KIAA1143: variants seen among roughly 807,000 people sequenced by gnomAD.
KIAA1143 encodes the protein uncharacterized protein KIAA1143.
Under a neutral mutation model 17.0 loss-of-function variants are expected in KIAA1143, and 8 were observed. The ratio of observed to expected loss-of-function variants is 0.47; its 90% CI spans 0.28 to 0.85. The LOEUF is 0.85. Ranked by LOEUF, KIAA1143 falls within the 40% of genes least tolerant of loss-of-function variation. KIAA1143 has a pLI of 0.12. For synonymous variants in KIAA1143, 64 were observed against 67.8 expected (o/e 0.94, Z 0.27); for missense variants, 162 against 183.3 (o/e 0.88, Z 0.67).
intron 1 of KIAA1143, among the ~76,000 whole-genome samples, chr3:44,760,579 C>T (rs143190493): frequency 0.011 from 1,634 of 151,492 alleles, 23 homozygotes; most frequent in African/African-American, 0.036. Context: ...TTAGTAGAGA[C>T]GCGGTTTCAC....
rs1705114984 is a variant in KIAA1143 at position 44,761,401 on chromosome 3, G to C, written c.108+94C>G. The stretch of plus-strand genomic sequence containing the variant: ...TTGGGTTCGAGCGCGGGTGAAAAGA[G>C]GGACCCGACAGCACCCACCCTCCAA... On this transcript the variant is annotated intron_variant, in intron 1 of 2. Transcript: ENST00000296121. The C allele has an allele frequency of 8.6e-6, 8 of 930,896 alleles. No homozygotes were observed. The East Asian group carries it at 2.1e-4, about 24-fold the overall frequency. The allele number at this position is 930,896 out of a possible 1,614,324, so 57.7% of individuals were successfully genotyped here.
At chr3:44,756,691 T>C (rs1193059908) in intron 1 of KIAA1143, among the ~76,000 whole-genome samples, 1 of 152,228 alleles carries the variant, frequency 6.6e-6, no homozygotes, top group African/African-American at 2.4e-5. Context: ...CTCAATTTCA[T>C]GTTCCACAAT....
intron 1 of KIAA1143, among the ~76,000 whole-genome samples, chr3:44,755,439 C>G (rs1402591108): frequency 1.3e-5 from 2 of 152,212 alleles, no homozygotes; most frequent in Non-Finnish European, 2.9e-5. Context: ...ACTTCCTGGT[C>G]TCCCAAACAA....
Position 44,753,449 on chromosome 3 carries a change from C to A in KIAA1143, c.357G>T (p.Lys119Asn). 1 of 1,606,524 alleles carries A rather than the reference C, an allele frequency of 6.2e-7. No individual in the cohort carries two copies. The change falls in exon 3 of 3, where the codon AAG (lysine) becomes AAT (asparagine). Residue 119 changes from lysine (K) to asparagine (N), a missense_variant. Physicochemically the swap from Lys to Asn is moderately conservative, Grantham distance 94. Around this residue, in one of 2 missense-constraint regions of KIAA1143, gnomAD observed 25 missense variants for 50.8 expected, o/e 0.49. Coordinates refer to ENST00000296121, the MANE Select transcript of KIAA1143 (RefSeq NM_020696.4). ...YSGLTASSKK[K>N]KPNEDEVNQD... ...GATTTACTTCATCTTCATTTGGCTT[C>A]TTCTTTTTTGAGCTTGCTGTTAAAC...
Position 44,752,737 on chromosome 3 carries a change from TG to T in KIAA1143, c.*603del, listed in dbSNP as rs1704907854. On this transcript the variant is annotated 3_prime_UTR_variant, in exon 3 of 3. Transcript: ENST00000296121. ...AAAGATAAGAGCAAAGGCTCATGTT[TG>T]CCAAGTCTGTCCTTTTGTAACAAAA... 1 of 152,422 alleles carries T rather than the reference TG, an allele frequency of 6.6e-6. No homozygotes were observed. Among genetic ancestry groups the T allele is most frequent in the Non-Finnish European group, 1.5e-5 (1 of 68,214 alleles). The allele number at this position is 152,422 out of a possible 1,614,324, so 9.4% of individuals were successfully genotyped here.
At position 44,750,245 on chromosome 3, in the gene KIAA1143, T is replaced by G. The variant is rs1185575212; in HGVS notation, c.*3096A>C. On this transcript the variant is annotated 3_prime_UTR_variant, in exon 3 of 3. Transcript: ENST00000296121. ...GACCTTAAACTAACTTTTTGGATAT[T>G]AGGCTTCCTGAAGTTCAAGAGTGAC... is the stretch of plus-strand genomic sequence containing the variant. The G allele has an allele frequency of 6.6e-6, 1 of 152,248 alleles. No individual in the cohort carries two copies. Among genetic ancestry groups the G allele is most frequent in the Non-Finnish European group, 1.5e-5 (1 of 68,052 alleles). 9.4% of individuals were successfully genotyped at this position (152,248 alleles called of 1,614,324 possible).
chr3:44,758,260 G>A (rs949857203), intron 1 of KIAA1143, among the ~76,000 whole-genome samples: 12 of 152,082 alleles, frequency 7.9e-5, no homozygotes, highest in Non-Finnish European at 1.8e-4. Context: ...GGGTGGCTGT[G>A]GCAATTTTTA....
intron 1 of KIAA1143, among the ~76,000 whole-genome samples, chr3:44,756,485 C>T (rs1704975941): frequency 6.6e-6 from 1 of 152,182 alleles, no homozygotes; most frequent in African/African-American, 2.4e-5. Flanking sequence ...ATTGCTTGAA[C>T]CCAAAAGGTG....
intron 1 of KIAA1143, among the ~76,000 whole-genome samples, chr3:44,759,312 C>T (rs1469151710): frequency 3.3e-5 from 5 of 152,086 alleles, no homozygotes; most frequent in African/African-American, 4.8e-5. Flanking sequence ...GTGTATTGTC[C>T]ATGAGCAATA....
At position 44,752,832 on chromosome 3, in the gene KIAA1143, CACCCTTAGCAGGA is replaced by C. The variant is rs1335204883; in HGVS notation, c.*496_*508del. On this transcript the variant is annotated 3_prime_UTR_variant, in exon 3 of 3. Coordinates refer to ENST00000296121, the MANE Select transcript of KIAA1143 (RefSeq NM_020696.4). Reference sequence around the variant, plus strand: ...ACTTGCCAGAGCTGAGTCTCATGGCCACCCTTAGCAGGAGTTGGGGAGGTATTTTTAACAAGGC... The same window carrying C: ...ACTTGCCAGAGCTGAGTCTCATGGCCGTTGGGGAGGTATTTTTAACAAGGC... 6.5e-6 allele frequency: 1 copy of C among 152,752 alleles called. No homozygotes were observed. Among genetic ancestry groups the C allele is most frequent in the African/African-American group, 2.4e-5 (1 of 41,442 alleles). The allele number at this position is 152,752 out of a possible 1,614,324, so 9.5% of individuals were successfully genotyped here.
In KIAA1143 at chr3:44,750,163, A is replaced by G. The variant is rs1704875991; in HGVS notation, c.*3178T>C. Reference sequence around the variant, plus strand: ...AAAATTGATAAATTACATAACTTACAAATTAGTAAGAAAGATATGACCATA... The same window carrying G: ...AAAATTGATAAATTACATAACTTACGAATTAGTAAGAAAGATATGACCATA... On this transcript the variant is annotated 3_prime_UTR_variant, in exon 3 of 3. Coordinates refer to ENST00000296121, the MANE Select transcript of KIAA1143 (RefSeq NM_020696.4). The G allele has an allele frequency of 6.6e-6, 1 of 152,232 alleles. No individual in the cohort carries two copies. Among genetic ancestry groups the G allele is most frequent in the East Asian group, 1.9e-4 (1 of 5,204 alleles). The allele number at this position is 152,232 out of a possible 1,614,324, so 9.4% of individuals were successfully genotyped here. A position where few individuals can be genotyped will look rare whatever the true frequency, so the allele number is the denominator to read the frequency against.
In KIAA1143 at chr3:44,754,346, T is replaced by C. The variant is rs879508501; in HGVS notation, c.131A>G (p.Asp44Gly). Reference protein sequence around the residue: ...ETKRIQPQPPDEDGDHSDKED... With the variant: ...ETKRIQPQPPGEDGDHSDKED... ...TTTGTCACTGTGATCCCCATCTTCA[T>C]CTGGGGGCTGAGGCTGAATTCTCTA... Residue 44 changes from aspartate (D) to glycine (G), a missense_variant, in exon 2 of 3, where the codon GAT becomes GGT. Coordinates refer to ENST00000296121, the MANE Select transcript of KIAA1143 (RefSeq NM_020696.4). The C allele has an allele frequency of 1.2e-5, 20 of 1,613,846 alleles. No individual in the cohort carries two copies. The highest frequency in any genetic ancestry group is 1.0e-4 in the Admixed American group (6 of 59,984).
In KIAA1143 at chr3:44,753,516, T is replaced by C; in HGVS notation, c.290A>G (p.Tyr97Cys). The C allele has an allele frequency of 1.2e-6, 2 of 1,612,628 alleles. No homozygotes were observed. The highest frequency in any genetic ancestry group is 2.2e-5 in the East Asian group (1 of 44,808). ...TGAGGGATGCTTGACTGGTTTTCGA[T>C]ATATGATTCTTCCATCGGCTGGAGT... ...EPTPADGRII[Y>C]RKPVKHPSDE... The change falls in exon 3 of 3, where the codon TAT (tyrosine) becomes TGT (cysteine). Residue 97 changes from tyrosine to cysteine, a missense_variant. Coordinates refer to ENST00000296121, the MANE Select transcript of KIAA1143 (RefSeq NM_020696.4).
At position 44,760,728 on chromosome 3, in the gene KIAA1143, C is replaced by A. The variant is rs573474132; in HGVS notation, c.108+767G>T. ...TGAGACGGAGTCTCGCTCTGTTGTC[C>A]AGGCTGGAGTGCAGCTGCGCCATCT... On this transcript the variant is annotated intron_variant, in intron 1 of 2. Transcript: ENST00000296121. Among the ~76,000 whole-genome samples, 157 of 142,398 alleles carry A rather than the reference C, an allele frequency of 1.1e-3. 1 individual carries two copies. The highest frequency in any genetic ancestry group is 4.1e-3 in the African/African-American group (154 of 37,964). 93.4% of individuals were successfully genotyped at this position (142,398 alleles called of 152,430 possible).
rs1575557394 is a variant in KIAA1143 at position 44,751,784 on chromosome 3, C to T, written c.*1557G>A. 6.6e-6 allele frequency: 1 copy of T among 152,128 alleles called. No homozygotes were observed. Among genetic ancestry groups the T allele is most frequent in the Non-Finnish European group, 1.5e-5 (1 of 68,044 alleles). 9.4% of individuals were successfully genotyped at this position (152,128 alleles called of 1,614,324 possible). ...ACCACCAAGTTAGATGATCATGTGA[C>T]AAGATTTCTAGCCAGTTTCAGGAGA... On this transcript the variant is annotated 3_prime_UTR_variant, in exon 3 of 3. Coordinates refer to ENST00000296121, the MANE Select transcript of KIAA1143 (RefSeq NM_020696.4).
At chr3:44,759,758 G>C (rs995206989) in intron 1 of KIAA1143, among the ~76,000 whole-genome samples, 7 of 151,936 alleles carry the variant, frequency 4.6e-5, no homozygotes, top group Admixed American at 6.5e-5. Context: ...AGCCAGATGC[G>C]TTAGTTCATG....
chr3:44,760,580 G>A (rs1041109997), intron 1 of KIAA1143, among the ~76,000 whole-genome samples: 1 of 151,620 alleles, frequency 6.6e-6, no homozygotes, highest in African/African-American at 2.4e-5. Flanking sequence ...TAGTAGAGAC[G>A]CGGTTTCACT....
intron 1 of KIAA1143, among the ~76,000 whole-genome samples, chr3:44,757,466 T>C (rs1346939870): frequency 8.5e-5 from 13 of 152,190 alleles, no homozygotes; most frequent in Admixed American, 8.5e-4. Context: ...CGAGAGTCTA[T>C]CTAAATATCC....
intron 1 of KIAA1143, among the ~76,000 whole-genome samples, 181 bp downstream of exon 1, chr3:44,761,314 T>C (rs1426966618): frequency 3.9e-5 from 6 of 152,190 alleles, no homozygotes. Flanking sequence ...CAGAGCTTCC[T>C]GGGCGTAGGG....
Sources: gnomAD v4.1 joint callset for allele counts (sites outside exome capture counted in the v4.1 genomes callset) on GRCh38, gnomAD v4.1.1 for gene constraint, gnomAD v4.1.1 regional missense constraint, MANE v1.5 for transcripts, NCBI Gene and HGNC (gene_info 2026-07-23, HGNC 2026-07-21) for gene names.